IGBP1: variants seen among roughly 807,000 people sequenced by gnomAD.
IGBP1 encodes immunoglobulin-binding protein 1.
In IGBP1, 2 loss-of-function variants were observed where a neutral mutation model predicts 25.9. The ratio of observed to expected loss-of-function variants is 0.08; its 90% CI spans 0.03 to 0.24. The LOEUF is 0.24. Among genes scored for constraint, IGBP1 ranks in the 10% least tolerant of loss-of-function variants. The probability of loss-of-function intolerance (pLI) is 1.00; values close to 1 mark genes in which losing one functional copy is unlikely to be tolerated. For missense variants in IGBP1, 187 were observed against 260.4 expected (o/e 0.72, Z 1.94); for synonymous variants, 96 against 93.4 (o/e 1.03, Z -0.16).
rs1446808381 is a variant in IGBP1 at position 70,146,835 on chromosome X, C to T, written c.678+7C>T. The stretch of plus-strand genomic sequence containing the variant: ...AAGAGACTCTTCAAGAGAGGTAAGC[C>T]TGGCCAGAGAAATCTACTGCCAGAG... On this transcript the variant is annotated splice_region_variant and intron_variant, in intron 4 of 6. Transcript: ENST00000356413. 1.7e-6 allele frequency: 2 copies of T among 1,162,351 alleles called. No individual in the cohort carries two copies. The highest frequency in any genetic ancestry group is 6.0e-5 in the East Asian group (2 of 33,508).
chrX:70,133,925 T>C lies in IGBP1; in HGVS notation c.-23T>C, dbSNP rs1427944885. The C allele has an allele frequency of 8.3e-7, 1 of 1,204,231 alleles. No homozygotes were observed. The highest frequency in any genetic ancestry group is 2.2e-5 in the Admixed American group (1 of 45,704). ...TGCCTTTGACCCCGGAAAAGAGATC[T>C]TCCGGGTTCCTCTCTCCCCAAGATG... On this transcript the variant is annotated 5_prime_UTR_variant, in exon 2 of 7. Transcript: ENST00000356413.
intron 6 of IGBP1, among the ~76,000 whole-genome samples, chrX:70,156,097 G>A (rs980807258): frequency 9.1e-6 from 1 of 110,189 alleles, no homozygotes; most frequent in Admixed American, 9.7e-5. Context: ...CATGGTTTGT[G>A]GTGCCCCAGA....
At chrX:70,144,757 T>C (rs1438561159) in intron 3 of IGBP1, among the ~76,000 whole-genome samples, 1 of 96,973 alleles carries the variant, frequency 1.0e-5, no homozygotes, top group Non-Finnish European at 2.0e-5. Flanking sequence ...ACTCCCTGGT[T>C]CAAGCGATTT....
At chrX:70,151,266 A>G (rs2085201262) in intron 6 of IGBP1, among the ~76,000 whole-genome samples, 1 of 110,943 alleles carries the variant, frequency 9.0e-6, no homozygotes, top group South Asian at 3.8e-4. Context: ...TGGCCCTCCT[A>G]TCACTTAATA....
intron 6 of IGBP1, among the ~76,000 whole-genome samples, chrX:70,155,023 A>G (rs1301190821): frequency 3.6e-5 from 4 of 112,019 alleles, no homozygotes; most frequent in African/African-American, 1.3e-4. Flanking sequence ...CATTAGGGCA[A>G]TGCAAATTAA....
intron 3 of IGBP1, among the ~76,000 whole-genome samples, chrX:70,142,322 A>G (rs2085135583): frequency 9.1e-6 from 1 of 110,428 alleles, no homozygotes; most frequent in Non-Finnish European, 1.9e-5. Flanking sequence ...CAGAGTAGAG[A>G]CCCTGTCTCA....
Position 70,146,798 on chromosome X carries a change from G to A in IGBP1, c.648G>A (p.Lys216=). Residue 216 remains lysine, a synonymous_variant, in exon 4 of 7, where the codon AAG becomes AAA. Transcript: ENST00000356413. ...TTGAGAGCATTGACCAGGAAATAAAGATCCTGAGAGAAAGAGACTCTTCAA... is the reference window on the plus strand; with the variant it reads ...TTGAGAGCATTGACCAGGAAATAAAAATCCTGAGAGAAAGAGACTCTTCAA... ...EEIESIDQEI[K]ILRERDSSRE... The A allele has an allele frequency of 8.3e-7, 1 of 1,204,865 alleles. No individual in the cohort carries two copies. Among genetic ancestry groups the A allele is most frequent in the Non-Finnish European group, 1.1e-6 (1 of 889,669 alleles).
intron 3 of IGBP1, 120 bp from the exon 4 acceptor site, chrX:70,146,513 G>C: frequency 1.7e-6 from 1 of 572,644 alleles, no homozygotes; most frequent in Non-Finnish European, 3.0e-6. Context: ...TCCCTGCCAA[G>C]GTGGAAATTG....
intron 6 of IGBP1, among the ~76,000 whole-genome samples, chrX:70,161,297 C>T (rs967758986): frequency 3.6e-5 from 4 of 111,821 alleles, no homozygotes; most frequent in Non-Finnish European, 7.5e-5. Flanking sequence ...GGGGTCATAT[C>T]GAGCCAATTT....
chrX:70,146,529 C>A, intron 3 of IGBP1, 104 bp from the exon 4 acceptor site: 2 of 647,422 alleles, frequency 3.1e-6, no homozygotes, highest in South Asian at 2.4e-5. Flanking sequence ...AATTGGTATG[C>A]TTACTACCCT....
intron 4 of IGBP1, among the ~76,000 whole-genome samples, chrX:70,147,386 G>A (rs991525511): frequency 9.1e-6 from 1 of 110,126 alleles, no homozygotes; most frequent in Non-Finnish European, 1.9e-5. Context: ...TCATGCCACT[G>A]CACTCCAGCC....
intron 6 of IGBP1, among the ~76,000 whole-genome samples, chrX:70,153,181 A>G (rs1394408477): frequency 8.9e-6 from 1 of 112,082 alleles, no homozygotes; most frequent in African/African-American, 3.2e-5. Context: ...GGGGGGAGGA[A>G]CCTGTCAACG....
In IGBP1 at chrX:70,133,937, C is replaced by A; in HGVS notation, c.-11C>A. The A allele has an allele frequency of 1.7e-6, 2 of 1,208,858 alleles. No individual in the cohort carries two copies. The highest frequency in any genetic ancestry group is 1.1e-6 in the Non-Finnish European group (1 of 893,180). ...CGGAAAAGAGATCTTCCGGGTTCCT[C>A]TCTCCCCAAGATGGCTGCTGAGGAC... On this transcript the variant is annotated 5_prime_UTR_variant, in exon 2 of 7. Coordinates refer to ENST00000356413, the MANE Select transcript of IGBP1 (RefSeq NM_001551.3).
At chrX:70,139,147 T>C (rs2085114777) in intron 3 of IGBP1, among the ~76,000 whole-genome samples, 1 of 110,234 alleles carries the variant, frequency 9.1e-6, no homozygotes, top group Non-Finnish European at 1.9e-5. Context: ...CCATCTCTAC[T>C]AAAAATACAA....
In IGBP1 at chrX:70,148,762, C is replaced by T; in HGVS notation, c.680C>T (p.Ala227Val). The change falls in exon 5 of 7, where the codon GCA becomes GTA. Residue 227 changes from alanine (A) to valine (V), a missense_variant and splice_region_variant. Transcript: ENST00000356413. ...ILRERDSSRE[A>V]STSNSSRQER... ...TCTCATAATTAATTTCCTTCTTAGG[C>T]ATCAACTTCTAACTCATCTCGCCAG... 1 of 1,185,304 alleles carries T rather than the reference C, an allele frequency of 8.4e-7. No homozygotes were observed. The highest frequency in any genetic ancestry group is 1.1e-6 in the Non-Finnish European group (1 of 871,600).
chrX:70,145,054 AAAAG>A (rs1010170156), intron 3 of IGBP1, among the ~76,000 whole-genome samples: 23 of 109,753 alleles, frequency 2.1e-4, no homozygotes, highest in African/African-American at 6.9e-4. Flanking sequence ...AGAAGAAAGA[AAAAG>A]AAAGCATACA....
At position 70,165,906 on chromosome X, in the gene IGBP1, C is replaced by G. The variant is rs201684747; in HGVS notation, c.945C>G (p.Leu315=). The part of the protein sequence containing the change: ...EKEEEDDEQT[L]HRAREWDDWK... ...AGGAAGAGGATGATGAACAAACACT[C>G]CACAGAGCCCGGGAGTGGGATGACT... The change falls in exon 7 of 7, where the codon CTC becomes CTG. Residue 315 remains leucine, a synonymous_variant. Coordinates refer to ENST00000356413, the MANE Select transcript of IGBP1 (RefSeq NM_001551.3). 1 of 1,208,791 alleles carries G rather than the reference C, an allele frequency of 8.3e-7. No homozygotes were observed. The highest frequency in any genetic ancestry group is 3.0e-5 in the East Asian group (1 of 33,806).
In IGBP1 at chrX:70,165,843, A is replaced by G. The variant is rs1602680885; in HGVS notation, c.882A>G (p.Arg294=). 8.3e-7 allele frequency: 1 copy of G among 1,207,517 alleles called. No individual in the cohort carries two copies. Among genetic ancestry groups the G allele is most frequent in the Non-Finnish European group, 1.1e-6 (1 of 893,197 alleles). The part of the protein sequence containing the change: ...GIAKAAPEEF[R]KAAQQQEEQE... ...ATTTTTCCACTTTAGAGGAATTCAG[A>G]AAAGCAGCTCAGCAACAGGAAGAAC... The change falls in exon 7 of 7, where the codon AGA becomes AGG. Residue 294 remains arginine (R), a synonymous_variant. Transcript: ENST00000356413.
intron 6 of IGBP1, among the ~76,000 whole-genome samples, chrX:70,158,661 G>A (rs2085254764): frequency 9.2e-6 from 1 of 109,192 alleles, no homozygotes; most frequent in Admixed American, 9.9e-5. Flanking sequence ...GTGAAACCCC[G>A]TCTCTACTAA....
Sources: allele counts gnomAD v4.1 joint callset (sites outside exome capture counted in the v4.1 genomes callset), GRCh38; gene constraint gnomAD v4.1.1; transcripts MANE v1.5; gene names NCBI Gene and HGNC (gene_info 2026-07-23, HGNC 2026-07-21).